EPHB1: variants seen among roughly 807,000 people sequenced by gnomAD.
The protein encoded by EPHB1 is EPH receptor B1.
Under a neutral mutation model 94.4 loss-of-function variants are expected in EPHB1, and 30 were observed. That is an observed-to-expected ratio of 0.32 (90% CI 0.24 to 0.43). The LOEUF (loss-of-function observed/expected upper bound fraction) is 0.43. Ranked by LOEUF, EPHB1 falls within the 20% of genes least tolerant of loss-of-function variation. The probability of loss-of-function intolerance (pLI) is 1.00; values close to 1 mark genes in which losing one functional copy is unlikely to be tolerated. For synonymous variants in EPHB1, 522 were observed against 489.1 expected, an observed-to-expected ratio of 1.07 and a Z score of -0.89; for missense variants, 1,055 against 1,308.3, an observed-to-expected ratio of 0.81 and a Z score of 2.99.
intron 7 of EPHB1, among the ~76,000 whole-genome samples, chr3:135,165,540 T>G (rs1212475178): frequency 6.6e-6 from 1 of 152,270 alleles, no homozygotes; most frequent in African/African-American, 2.4e-5. Flanking sequence ...TTTAAGTATC[T>G]GCTCAATGAA....
At chr3:134,975,961 A>C (rs140954804) in intron 3 of EPHB1, among the ~76,000 whole-genome samples, 41 of 152,290 alleles carry the variant, frequency 2.7e-4, no homozygotes, top group African/African-American at 9.6e-4. Context: ...ACAGAGAAAT[A>C]AGATGATATG....
At chr3:134,830,507 CT>C (rs1317273809) in intron 1 of EPHB1, among the ~76,000 whole-genome samples, 2 of 151,862 alleles carry the variant, frequency 1.3e-5, no homozygotes, top group Non-Finnish European at 2.9e-5. Context: ...TTGCAGGGAG[CT>C]TTGGGGAATT....
intron 12 of EPHB1, among the ~76,000 whole-genome samples, chr3:135,217,956 A>G (rs1484975235): frequency 6.6e-6 from 1 of 152,196 alleles, no homozygotes; most frequent in South Asian, 2.1e-4. Flanking sequence ...CAGTGACCCC[A>G]GGTCCAGCTT....
At chr3:134,981,282 T>A (rs554219294) in intron 3 of EPHB1, among the ~76,000 whole-genome samples, 25 of 152,316 alleles carry the variant, frequency 1.6e-4, no homozygotes, top group Admixed American at 9.8e-4. Context: ...TGTGTTGCAA[T>A]AACAAAAACT....
intron 12 of EPHB1, among the ~76,000 whole-genome samples, chr3:135,206,693 C>A (rs73220271): frequency 0.018 from 2,781 of 152,194 alleles, 34 homozygotes; most frequent in Middle Eastern, 0.045. Context: ...CTACTAAATC[C>A]AAAAAATTAG....
intron 1 of EPHB1, among the ~76,000 whole-genome samples, chr3:134,831,586 T>G (rs2036582245): frequency 6.6e-6 from 1 of 152,210 alleles, no homozygotes; most frequent in Admixed American, 6.5e-5. Context: ...TCCCACAAGC[T>G]GCCGCCATGT....
rs927308942 is a variant in EPHB1, at chr3:134,795,406, AACAC to A, written c.-214_-211del. ...CACGCACACACCCACCTCTCCCATAAACACACACACACACATGCACACCCACACC... is the reference window on the plus strand; with the variant it reads ...CACGCACACACCCACCTCTCCCATAAACACACACACATGCACACCCACACC... On this transcript the variant is annotated 5_prime_UTR_variant, in exon 1 of 16. It adds an upstream start codon to the 5' untranslated region. Coordinates refer to ENST00000398015, the MANE Select transcript of EPHB1 (RefSeq NM_004441.5). 3.4e-5 allele frequency: 18 copies of A among 529,476 alleles called. No individual in the cohort carries two copies. Among genetic ancestry groups the A allele is most frequent in the African/African-American group, 1.0e-4 (5 of 48,698 alleles). The allele number at this position is 529,476 out of a possible 1,614,324, so 32.8% of individuals were successfully genotyped here. A position where few individuals can be genotyped will look rare whatever the true frequency, so the allele number is the denominator to read the frequency against.
intron 3 of EPHB1, among the ~76,000 whole-genome samples, chr3:135,094,553 A>G (rs930979284): frequency 6.6e-6 from 1 of 152,208 alleles, no homozygotes; most frequent in Non-Finnish European, 1.5e-5. Flanking sequence ...GGGCCAAGGA[A>G]TAAGTTCAGC....
intron 1 of EPHB1, among the ~76,000 whole-genome samples, chr3:134,814,259 C>A (rs1272952562): frequency 6.6e-6 from 1 of 152,208 alleles, no homozygotes; most frequent in Admixed American, 6.5e-5. Flanking sequence ...GGCAAGGAAT[C>A]TGTCATTGAA....
At chr3:134,908,482 C>T (rs939426733) in intron 1 of EPHB1, among the ~76,000 whole-genome samples, 41 of 152,236 alleles carry the variant, frequency 2.7e-4, no homozygotes, top group Admixed American at 9.2e-4. Flanking sequence ...TCACTCTGCG[C>T]TGTGTGGAGG....
In EPHB1 at chr3:134,951,190, C is replaced by T. The variant is rs1933013642; in HGVS notation, c.124-181C>T. Among the ~76,000 whole-genome samples the T allele has an allele frequency of 6.6e-6, 1 of 152,160 alleles. No homozygotes were observed. Among genetic ancestry groups the T allele is most frequent in the Non-Finnish European group, 1.5e-5 (1 of 68,008 alleles). On this transcript the variant is annotated intron_variant, in intron 2 of 15. Transcript: ENST00000398015. This position sits in a 1 kb window ranked among gnomAD's most constrained non-coding sequence, Gnocchi z 4.5. ...GGGCTGCAAAAAAATCTGAAGTTTT[C>T]TTATAAGATCTTTAAAATCAAGTTG...
chr3:135,244,434 A>G (rs1020284433), intron 13 of EPHB1, among the ~76,000 whole-genome samples: 4 of 152,178 alleles, frequency 2.6e-5, no homozygotes, highest in African/African-American at 9.7e-5. Context: ...CAATCTTCTC[A>G]ATAGCCACTT....
At position 134,951,738 on chromosome 3, in the gene EPHB1, G is replaced by A. The variant is rs2107715840; in HGVS notation, c.491G>A (p.Ser164Asn). The change falls in exon 3 of 16, where the codon AGC becomes AAC. Residue 164 changes from serine to asparagine, a missense_variant. By Grantham distance (46) the Ser-to-Asn change is conservative. Coordinates refer to ENST00000398015, the MANE Select transcript of EPHB1 (RefSeq NM_004441.5). This position sits in a 1 kb window ranked among gnomAD's most constrained non-coding sequence, Gnocchi z 4.5. ...ATGAAGGTAAACACAGAAGTCAGGA[G>A]CTTTGGGCCTCTTACTCGGAATGGT... ...RLMKVNTEVRSFGPLTRNGFY... is the reference protein window; with the variant it reads ...RLMKVNTEVRNFGPLTRNGFY... The A allele has an allele frequency of 3.7e-6, 6 of 1,614,106 alleles. No individual in the cohort carries two copies. Among genetic ancestry groups the A allele is most frequent in the Non-Finnish European group, 5.1e-6 (6 of 1,179,952 alleles).
intron 1 of EPHB1, among the ~76,000 whole-genome samples, chr3:134,836,815 C>T (rs1260271585): frequency 6.6e-6 from 1 of 152,202 alleles, no homozygotes; most frequent in Non-Finnish European, 1.5e-5. Flanking sequence ...CCTGTTAATT[C>T]ATTGACCGGA....
chr3:134,936,539 C>T (rs1157914565), intron 2 of EPHB1, among the ~76,000 whole-genome samples: 1 of 152,168 alleles, frequency 6.6e-6, no homozygotes, highest in African/African-American at 2.4e-5. Context: ...TTTGTCCCAT[C>T]CATTGTCCTC....
At chr3:134,878,019 C>A (rs114598794) in intron 1 of EPHB1, among the ~76,000 whole-genome samples, 3,565 of 152,330 alleles carry the variant, frequency 0.023, 58 homozygotes, top group Non-Finnish European at 0.038. Context: ...CCTGCTCTGC[C>A]TCCTGGCCTG....
At chr3:134,888,447 C>T (rs746058408) in intron 1 of EPHB1, among the ~76,000 whole-genome samples, 16 of 152,056 alleles carry the variant, frequency 1.1e-4, no homozygotes, top group Non-Finnish European at 2.1e-4. Context: ...TGGTGGCTCA[C>T]GCCTGTAATC....
At chr3:134,874,487 A>G (rs1167407157) in intron 1 of EPHB1, among the ~76,000 whole-genome samples, 1 of 152,214 alleles carries the variant, frequency 6.6e-6, no homozygotes, top group Non-Finnish European at 1.5e-5. Flanking sequence ...TTTAAATAGA[A>G]GAAATAAAGG....
At chr3:135,019,103 C>T (rs1034876000) in intron 3 of EPHB1, among the ~76,000 whole-genome samples, 2 of 152,136 alleles carry the variant, frequency 1.3e-5, no homozygotes, top group Non-Finnish European at 2.9e-5. Flanking sequence ...GTGCCCCACT[C>T]CACAATACCT....
Sources: gnomAD v4.1 joint callset for allele counts (sites outside exome capture counted in the v4.1 genomes callset) on GRCh38, gnomAD v4.1.1 for gene constraint, Gnocchi (gnomAD v3.1) non-coding constraint, MANE v1.5 for transcripts, NCBI Gene and HGNC (gene_info 2026-07-23, HGNC 2026-07-21) for gene names.